Variants in SLC8A1 observed in about 807,000 individuals in gnomAD.
SLC8A1 encodes solute carrier family 8 member A1, also known as sodium/calcium exchanger 1.
A neutral mutation model predicts 68.3 loss-of-function variants in SLC8A1; 18 were observed. That is an observed-to-expected ratio of 0.26 (90% CI 0.18 to 0.39). SLC8A1 has a LOEUF of 0.39. SLC8A1 is among the 10% of genes least tolerant of loss of function. The pLI is 1.00. For missense variants in SLC8A1, 985 were observed against 1,156.7 expected, an observed-to-expected ratio of 0.85 and a Z score of 2.15; for synonymous variants, 475 against 415.5, an observed-to-expected ratio of 1.14 and a Z score of -1.74.
At chr2:40,303,438 C>T (rs2071925896) in intron 2 of SLC8A1, among the ~76,000 whole-genome samples, 1 of 152,164 alleles carries the variant, frequency 6.6e-6, no homozygotes, top group Non-Finnish European at 1.5e-5. Context: ...CTACAAAATG[C>T]ACTACCCGGG....
chr2:40,458,830 G>T (rs1703175688), intron 1 of SLC8A1, among the ~76,000 whole-genome samples: 1 of 152,036 alleles, frequency 6.6e-6, no homozygotes, highest in Non-Finnish European at 1.5e-5. Context: ...CTAGGCATGG[G>T]GTTTATAAGC....
intron 2 of SLC8A1, among the ~76,000 whole-genome samples, chr2:40,188,200 A>G (rs422411): frequency 0.13 from 19,510 of 152,228 alleles, 1,366 homozygotes; most frequent in Middle Eastern, 0.22. Flanking sequence ...CAAACTTATT[A>G]GTTAACATTC....
intron 2 of SLC8A1, among the ~76,000 whole-genome samples, chr2:40,253,906 A>G (rs997403386): frequency 1.8e-5 from 2 of 112,310 alleles, no homozygotes; most frequent in South Asian, 4.8e-4. Flanking sequence ...ACGTTGGTTT[A>G]TGGTACAAGA....
intron 4 of SLC8A1, 139 bp from the exon 8 acceptor site, chr2:40,165,123 A>G (rs2046331687): frequency 1.0e-6 from 1 of 979,152 alleles, no homozygotes; most frequent in African/African-American, 1.6e-5. Context: ...ACGATGCTGG[A>G]GGGAAGAGCC....
intron 1 of SLC8A1, among the ~76,000 whole-genome samples, chr2:40,450,873 C>T (rs1168313479): frequency 6.6e-6 from 1 of 152,176 alleles, no homozygotes; most frequent in Non-Finnish European, 1.5e-5. Flanking sequence ...AATTTCATCA[C>T]CCCTGTTCTC....
chr2:40,336,929 T>C (rs944526343), intron 2 of SLC8A1, among the ~76,000 whole-genome samples: 4 of 152,168 alleles, frequency 2.6e-5, no homozygotes, highest in East Asian at 1.9e-4. Context: ...GCTTACTTTA[T>C]AGAGGTGGTG....
At chr2:40,410,340 G>A (rs553780755) in intron 2 of SLC8A1, among the ~76,000 whole-genome samples, 53 of 152,134 alleles carry the variant, frequency 3.5e-4, no homozygotes, top group African/African-American at 8.9e-4. Context: ...AACATCCAGC[G>A]CTAGGGATCA....
intron 2 of SLC8A1, among the ~76,000 whole-genome samples, chr2:40,284,178 T>C (rs1490183946): frequency 2.0e-5 from 3 of 151,892 alleles, no homozygotes; most frequent in Non-Finnish European, 4.4e-5. Flanking sequence ...TCTGTATCTA[T>C]AGATATAGCT....
chr2:40,491,294 T>C (rs997338915), intron 1 of SLC8A1, among the ~76,000 whole-genome samples: 5 of 152,170 alleles, frequency 3.3e-5, no homozygotes, highest in African/African-American at 1.2e-4. Flanking sequence ...TTGTCTGTTA[T>C]TGGTGTATAA....
intron 1 of SLC8A1, among the ~76,000 whole-genome samples, chr2:40,434,901 A>T (rs1032817474): frequency 6.6e-6 from 1 of 152,152 alleles, no homozygotes; most frequent in Non-Finnish European, 1.5e-5. Context: ...AGAAACCCAC[A>T]TCTACAAGAG....
intron 7 of SLC8A1, among the ~76,000 whole-genome samples, chr2:40,133,401 G>T (rs936496004): frequency 2.0e-5 from 3 of 151,160 alleles, no homozygotes; most frequent in East Asian, 1.9e-4. Context: ...TGGGGGGGGG[G>T]GGGGTGGAAA....
At chr2:40,480,638 G>GT (rs1704569572) in intron 1 of SLC8A1, among the ~76,000 whole-genome samples, 1 of 152,168 alleles carries the variant, frequency 6.6e-6, no homozygotes, top group African/African-American at 2.4e-5. Flanking sequence ...GAGGTTGAGT[G>GT]TATCAGCTGA....
At chr2:40,120,525 C>A (rs2036546420) in intron 7 of SLC8A1, among the ~76,000 whole-genome samples, 1 of 152,184 alleles carries the variant, frequency 6.6e-6, no homozygotes, top group Non-Finnish European at 1.5e-5. Context: ...CTCTTTCTAA[C>A]TTTACTGTTT....
chr2:40,294,678 A>T (rs1361512326), intron 2 of SLC8A1, among the ~76,000 whole-genome samples: 1 of 152,184 alleles, frequency 6.6e-6, no homozygotes, highest in Non-Finnish European at 1.5e-5. Flanking sequence ...TTACTCTTTA[A>T]AAAACATCTC....
At chr2:40,113,929 T>C (rs2034900932) in exon 8 of SLC8A1, 1 of 152,794 alleles carries the variant, frequency 6.5e-6, no homozygotes, top group South Asian at 2.1e-4. Flanking sequence ...TCTCCCCACA[T>C]GACAGTTATT....
intron 2 of SLC8A1, among the ~76,000 whole-genome samples, chr2:40,426,127 G>A (rs973555513): frequency 2.0e-5 from 3 of 151,942 alleles, no homozygotes; most frequent in African/African-American, 7.2e-5. Context: ...AAGTCAAGAT[G>A]AAATCTCTTC....
At position 40,217,979 on chromosome 2, in the gene SLC8A1, T is replaced by C. The variant is rs574755793; in HGVS notation, c.1809-40124A>G. Among the ~76,000 whole-genome samples the C allele has an allele frequency of 7.4e-4, 113 of 152,256 alleles. No homozygotes were observed. The South Asian group carries it at 0.021, about 29-fold the overall frequency. On this transcript the variant is annotated intron_variant, in intron 2 of 7. Transcript: ENST00000406785. ...AACAGATTGTGTGAAGGCATGCATTTGCATCCAGGCCTACAGGACCAATAT... is the reference window on the plus strand; with the variant it reads ...AACAGATTGTGTGAAGGCATGCATTCGCATCCAGGCCTACAGGACCAATAT...
At chr2:40,342,425 TTGTAGA>T (rs1474298870) in intron 2 of SLC8A1, among the ~76,000 whole-genome samples, 1 of 152,160 alleles carries the variant, frequency 6.6e-6, no homozygotes, top group African/African-American at 2.4e-5. Flanking sequence ...AATTTTGTTG[TTGTAGA>T]GATAATTAGA....
chr2:40,172,826 C>G (rs1017295990), intron 4 of SLC8A1, among the ~76,000 whole-genome samples: 4 of 152,178 alleles, frequency 2.6e-5, no homozygotes, highest in Admixed American at 1.3e-4. Context: ...CCTGTAGTCC[C>G]AGACACTCGG....
Sources: allele counts gnomAD v4.1 joint callset (sites outside exome capture counted in the v4.1 genomes callset), GRCh38; gene constraint gnomAD v4.1.1; transcripts MANE v1.5; gene names NCBI Gene and HGNC (gene_info 2026-07-23, HGNC 2026-07-21).